NTRK2: variants seen among roughly 807,000 people sequenced by gnomAD.
NTRK2 encodes BDNF/NT-3 growth factors receptor.
NTRK2 carries 13 observed loss-of-function variants against 94.5 expected under a neutral mutation model. That is an observed-to-expected ratio of 0.14 (90% CI 0.09 to 0.22). The LOEUF (loss-of-function observed/expected upper bound fraction) is 0.22. Ranked by LOEUF, NTRK2 falls within the 10% of genes least tolerant of loss-of-function variation. NTRK2 has a pLI of 1.00. For missense variants in NTRK2, 639 were observed against 1,071.2 expected (o/e 0.60, Z 5.63); for synonymous variants, 372 against 407.4 (o/e 0.91, Z 1.05).
At chr9:84,753,262 T>C (rs1455355007) in intron 12 of NTRK2, among the ~76,000 whole-genome samples, 1 of 151,988 alleles carries the variant, frequency 6.6e-6, no homozygotes, top group Non-Finnish European at 1.5e-5. Context: ...CAATTATAAA[T>C]AAAGCTTGGG....
intron 12 of NTRK2, among the ~76,000 whole-genome samples, chr9:84,839,077 T>G (rs1350915650): frequency 6.6e-6 from 1 of 152,236 alleles, no homozygotes; most frequent in East Asian, 1.9e-4. Flanking sequence ...ACATTTGCAC[T>G]GATTCAGAAC....
intron 6 of NTRK2, among the ~76,000 whole-genome samples, chr9:84,713,527 C>T (rs1466592868): frequency 1.3e-5 from 2 of 151,786 alleles, no homozygotes; most frequent in Non-Finnish European, 2.9e-5. Context: ...ACTTTTGTGT[C>T]TTACTGTGTT....
rs574814738 is a variant in NTRK2, at chr9:85,025,923, A to G, written c.*4486A>G. On this transcript the variant is annotated 3_prime_UTR_variant, in exon 19 of 19. Coordinates refer to ENST00000277120, the MANE Select transcript of NTRK2 (RefSeq NM_006180.6). ...TTCTAAAGAATGAGGGGTGGGAGGG[A>G]TTTATAGTTAGAAACGACAGTGCAG... 1.6e-3 allele frequency: 363 copies of G among 232,162 alleles called. 1 individual carries two copies. Among genetic ancestry groups the G allele is most frequent in the African/African-American group, 7.7e-3 (347 of 45,352 alleles). The allele number at this position is 232,162 out of a possible 1,614,324, so 14.4% of individuals were successfully genotyped here.
At chr9:84,942,601 C>T (rs1007986690) in intron 15 of NTRK2, among the ~76,000 whole-genome samples, 2 of 152,058 alleles carry the variant, frequency 1.3e-5, no homozygotes, top group African/African-American at 4.8e-5. Context: ...TAATTTTGAA[C>T]TTCTTAGTAT....
At chr9:84,707,550 G>C (rs1240549232) in intron 4 of NTRK2, among the ~76,000 whole-genome samples, 1 of 152,002 alleles carries the variant, frequency 6.6e-6, no homozygotes, top group Non-Finnish European at 1.5e-5. Context: ...GTTTCTATAA[G>C]ATATATAACT....
intron 9 of NTRK2, among the ~76,000 whole-genome samples, chr9:84,739,954 C>T (rs1397696093): frequency 2.0e-5 from 3 of 152,182 alleles, no homozygotes; most frequent in Non-Finnish European, 4.4e-5. Flanking sequence ...TTCCACCTTC[C>T]TGCAAGACAA....
intron 17 of NTRK2, among the ~76,000 whole-genome samples, chr9:84,956,397 G>A: frequency 6.6e-6 from 1 of 152,198 alleles, no homozygotes; most frequent in Non-Finnish European, 1.5e-5. Flanking sequence ...TGTTAACTGA[G>A]ATTTTGGAAC....
At chr9:84,919,710 G>A (rs968035880) in intron 14 of NTRK2, among the ~76,000 whole-genome samples, 5 of 152,156 alleles carry the variant, frequency 3.3e-5, no homozygotes, top group Non-Finnish European at 7.3e-5. Context: ...AGTTGAACCA[G>A]GAAAATATAT....
intron 12 of NTRK2, among the ~76,000 whole-genome samples, chr9:84,755,420 C>T (rs1267374216): frequency 6.7e-6 from 1 of 150,182 alleles, no homozygotes; most frequent in Admixed American, 6.6e-5. Flanking sequence ...CACCTAAGTT[C>T]GGTAATTGGA....
Position 84,670,519 on chromosome 9 carries a change from C to G in NTRK2, c.-230C>G. The G allele has an allele frequency of 1.7e-6, 1 of 573,374 alleles. No individual in the cohort carries two copies. The highest frequency in any genetic ancestry group is 2.0e-5 in the South Asian group (1 of 49,000). 35.5% of individuals were successfully genotyped at this position (573,374 alleles called of 1,614,324 possible). A position where few individuals can be genotyped will look rare whatever the true frequency, so the allele number is the denominator to read the frequency against. ...CGGAGCTCCGAGCAGCGGTAGCGCC[C>G]CCCTGTAAAGCGGTTCGCTATGCCG... On this transcript the variant is annotated 5_prime_UTR_variant, in exon 2 of 19. Transcript: ENST00000277120.
intron 14 of NTRK2, chr9:84,876,383 C>A (rs1471352443): frequency 9.5e-7 from 1 of 1,052,942 alleles, no homozygotes; most frequent in Non-Finnish European, 1.1e-6. Flanking sequence ...GGAATGATTA[C>A]TTTTCAGATC....
intron 16 of NTRK2, among the ~76,000 whole-genome samples, chr9:84,954,324 C>G (rs1823838773): frequency 6.6e-6 from 1 of 152,204 alleles, no homozygotes; most frequent in Non-Finnish European, 1.5e-5. Flanking sequence ...CACAGCAGAG[C>G]CTGCCGCGCT....
At chr9:84,938,322 C>T (rs935745489) in intron 15 of NTRK2, among the ~76,000 whole-genome samples, 1 of 152,104 alleles carries the variant, frequency 6.6e-6, no homozygotes, top group African/African-American at 2.4e-5. Flanking sequence ...GAGGCAGGCC[C>T]CAAGTGGCAT....
chr9:84,912,417 T>A (rs937195200), intron 14 of NTRK2, among the ~76,000 whole-genome samples: 2 of 152,100 alleles, frequency 1.3e-5, no homozygotes, highest in African/African-American at 2.4e-5. Flanking sequence ...CCTCGTATGG[T>A]TTTCAGCTCA....
chr9:85,022,482 A>G lies in NTRK2; in HGVS notation c.*1045A>G, dbSNP rs1315982122. ...CATGTCCAGAGCTCATTTCGGGGTC[A>G]GGTGGGAAAGCCAAGAACTTGGAAA... On this transcript the variant is annotated 3_prime_UTR_variant, in exon 19 of 19. Transcript: ENST00000277120. 2.1e-5 allele frequency: 5 copies of G among 233,122 alleles called. No homozygotes were observed. In the Middle Eastern group the frequency reaches 3.7e-3, roughly 173 times the overall value. 14.4% of individuals were successfully genotyped at this position (233,122 alleles called of 1,614,324 possible). A position where few individuals can be genotyped will look rare whatever the true frequency, so the allele number is the denominator to read the frequency against.
rs766595421 is a variant in NTRK2 at position 84,723,715 on chromosome 9, G to A, written c.720+6G>A. On this transcript the variant is annotated splice_donor_region_variant and intron_variant, in intron 7 of 18. Transcript: ENST00000277120. ...ACCTGGTTTCCAAACATATGGTAAG[G>A]CTTGTGTTTGGCTGTGTCTTAATAG... 2.5e-6 allele frequency: 4 copies of A among 1,614,048 alleles called. No homozygotes were observed. The highest frequency in any genetic ancestry group is 3.4e-6 in the Non-Finnish European group (4 of 1,179,932).
chr9:84,870,362 T>A (rs1418187112), intron 14 of NTRK2, among the ~76,000 whole-genome samples: 3 of 132,820 alleles, frequency 2.3e-5, no homozygotes, highest in African/African-American at 8.1e-5. Flanking sequence ...TATATATATA[T>A]ATAAAACTCT....
chr9:84,920,418 G>T (rs181892681), intron 14 of NTRK2, among the ~76,000 whole-genome samples: 1 of 152,080 alleles, frequency 6.6e-6, no homozygotes, highest in African/African-American at 2.4e-5. Flanking sequence ...TAAATAACAG[G>T]CTATCTGGTA....
At chr9:84,714,493 C>A (rs1453133279) in intron 6 of NTRK2, among the ~76,000 whole-genome samples, 1 of 152,152 alleles carries the variant, frequency 6.6e-6, no homozygotes, top group Non-Finnish European at 1.5e-5. Context: ...AGTATCACTT[C>A]TGGATATCTG....
Sources: gnomAD v4.1 joint callset for allele counts (sites outside exome capture counted in the v4.1 genomes callset) on GRCh38, gnomAD v4.1.1 for gene constraint, MANE v1.5 for transcripts, NCBI Gene and HGNC (gene_info 2026-07-23, HGNC 2026-07-21) for gene names.